Variants in HDAC9 observed in about 807,000 individuals in gnomAD.
HDAC9 encodes the protein MEF-2 interacting transcription repressor (MITR) protein.
Under a neutral mutation model 139.4 loss-of-function variants are expected in HDAC9, and 41 were observed. The ratio of observed to expected loss-of-function variants is 0.29; its 90% CI spans 0.23 to 0.38. The LOEUF is 0.38. Ranked by LOEUF, HDAC9 falls within the 10% of genes least tolerant of loss-of-function variation. HDAC9 has a pLI of 1.00. For synonymous variants in HDAC9, 517 were observed against 476.2 expected (o/e 1.09, Z -1.12); for missense variants, 1,147 against 1,297.0 (o/e 0.88, Z 1.78).
intron 17 of HDAC9, among the ~76,000 whole-genome samples, chr7:18,807,109 A>G (rs1793773034): frequency 6.6e-6 from 1 of 152,096 alleles, no homozygotes; most frequent in Non-Finnish European, 1.5e-5. Context: ...GGATTTTTAA[A>G]TTTTTGATTC....
chr7:18,808,960 C>G (rs940707985), intron 17 of HDAC9, among the ~76,000 whole-genome samples: 2 of 152,014 alleles, frequency 1.3e-5, no homozygotes, highest in African/African-American at 4.8e-5. Context: ...CTATAATAAT[C>G]AGAACAGTAT....
At chr7:18,549,036 G>A (rs1171079067) in intron 2 of HDAC9, among the ~76,000 whole-genome samples, 1 of 152,094 alleles carries the variant, frequency 6.6e-6, no homozygotes, top group Non-Finnish European at 1.5e-5. Flanking sequence ...TCAAGAGATC[G>A]AGACTATCCT....
At chr7:18,555,668 GGT>G (rs1230802141) in intron 2 of HDAC9, among the ~76,000 whole-genome samples, 2 of 151,946 alleles carry the variant, frequency 1.3e-5, no homozygotes, top group Admixed American at 6.6e-5. Context: ...ATTAGGAATT[GGT>G]GTTGATATTT....
chr7:18,168,030 T>A (rs1436277943), intron 2 of HDAC9, among the ~76,000 whole-genome samples: 1 of 152,154 alleles, frequency 6.6e-6, no homozygotes, highest in Non-Finnish European at 1.5e-5. Context: ...TTTCTAAGAG[T>A]TGCCTAAGCC....
chr7:18,601,564 T>G (rs914476430), intron 6 of HDAC9, among the ~76,000 whole-genome samples: 1 of 152,178 alleles, frequency 6.6e-6, no homozygotes, highest in Non-Finnish European at 1.5e-5. Context: ...GTTCCCAATG[T>G]CAGGGGAAAG....
chr7:18,221,535 T>A (rs1482783520), intron 2 of HDAC9, among the ~76,000 whole-genome samples: 1 of 152,166 alleles, frequency 6.6e-6, no homozygotes, highest in Non-Finnish European at 1.5e-5. Flanking sequence ...AGTATCCTTA[T>A]AAAGCAGATG....
At chr7:18,203,646 TAACTC>T (rs1165955086) in intron 2 of HDAC9, among the ~76,000 whole-genome samples, 1 of 152,176 alleles carries the variant, frequency 6.6e-6, no homozygotes. Flanking sequence ...GTATAATAAT[TAACTC>T]AGCTGCATAA....
chr7:18,147,908 C>A (rs1584325728), intron 1 of HDAC9, among the ~76,000 whole-genome samples: 2 of 151,970 alleles, frequency 1.3e-5, no homozygotes, highest in Non-Finnish European at 2.9e-5. Flanking sequence ...TCCATTTTGA[C>A]ATATATAGCT....
chr7:18,674,467 C>A (rs1291577627), intron 12 of HDAC9, among the ~76,000 whole-genome samples: 1 of 152,042 alleles, frequency 6.6e-6, no homozygotes, highest in Non-Finnish European at 1.5e-5. Context: ...AACTCCCCAA[C>A]TTGAAATCAG....
chr7:18,677,587 C>A (rs1781601714), intron 12 of HDAC9, among the ~76,000 whole-genome samples: 1 of 151,864 alleles, frequency 6.6e-6, no homozygotes, highest in Non-Finnish European at 1.5e-5. Context: ...GTTTGACATT[C>A]TCATCAACAA....
At chr7:18,223,391 A>AT (rs199647771) in intron 2 of HDAC9, among the ~76,000 whole-genome samples, 4,151 of 138,524 alleles carry the variant, frequency 0.03, 78 homozygotes, top group Middle Eastern at 0.044. Context: ...ACCCCGGTCA[A>AT]TTTTTTTTTT....
chr7:18,807,292 A>G (rs114479809), intron 17 of HDAC9, among the ~76,000 whole-genome samples: 2,782 of 152,134 alleles, frequency 0.018, 91 homozygotes, highest in African/African-American at 0.063. Flanking sequence ...ATCAGTTGTT[A>G]AGTCTTGTTC....
Position 18,916,389 on chromosome 7 carries a change from CTG to C in HDAC9, c.2804-19416_2804-19415del, listed in dbSNP as rs1344146262. 2.0e-5 allele frequency among the ~76,000 whole-genome samples: 3 copies of C among 152,064 alleles called. No individual in the cohort carries two copies. In the East Asian group the frequency reaches 5.8e-4, roughly 29 times the overall value. The stretch of plus-strand genomic sequence containing the variant: ...TTTTACAAATGAGAAAGTGAGGACA[CTG>C]TGTCTCAGGGTGGCAAAGTGTTTTG... On this transcript the variant is annotated intron_variant, in intron 22 of 25. Transcript: ENST00000686413.
intron 2 of HDAC9, among the ~76,000 whole-genome samples, chr7:18,544,495 G>A (rs1188790361): frequency 6.6e-6 from 1 of 152,188 alleles, no homozygotes; most frequent in Non-Finnish European, 1.5e-5. Context: ...ACAGAGATAT[G>A]TATTTGGGCA....
intron 13 of HDAC9, among the ~76,000 whole-genome samples, chr7:18,734,775 T>C (rs958582891): frequency 1.1e-4 from 17 of 152,340 alleles, no homozygotes; most frequent in African/African-American, 3.8e-4. Context: ...CTAGGTCAAA[T>C]GGTATTTCTA....
At chr7:18,325,681 C>CAA (rs947907195) in intron 1 of HDAC9, 1 of 145,386 alleles carries the variant, frequency 6.9e-6, no homozygotes, top group Non-Finnish European at 1.5e-5. Context: ...GTAATCTAAG[C>CAA]AAAAAAAAAT....
chr7:18,571,610 T>G (rs1824307419), intron 2 of HDAC9, among the ~76,000 whole-genome samples: 11 of 152,188 alleles, frequency 7.2e-5, no homozygotes, highest in Admixed American at 5.9e-4. Flanking sequence ...TTTAAAACTT[T>G]ATTTTATTTT....
intron 1 of HDAC9, among the ~76,000 whole-genome samples, chr7:18,294,456 A>G (rs1455879817): frequency 6.6e-6 from 1 of 152,102 alleles, no homozygotes. Context: ...TAGTTTCTCA[A>G]ATGAAGTTAA....
intron 1 of HDAC9, among the ~76,000 whole-genome samples, chr7:18,124,202 A>C (rs1383601039): frequency 1.3e-5 from 2 of 152,216 alleles, no homozygotes; most frequent in Non-Finnish European, 2.9e-5. Context: ...TGCCGAGCTC[A>C]TTTGGAGATC....
Sources: gnomAD v4.1 joint callset for allele counts (sites outside exome capture counted in the v4.1 genomes callset) on GRCh38, gnomAD v4.1.1 for gene constraint, MANE v1.5 for transcripts, NCBI Gene and HGNC (gene_info 2026-07-23, HGNC 2026-07-21) for gene names.